SYNE1: variants seen among roughly 807,000 people sequenced by gnomAD.
SYNE1 encodes the protein nesprin-1.
Under a neutral mutation model 1,111.0 loss-of-function variants are expected in SYNE1, and 616 were observed. The ratio of observed to expected loss-of-function variants is 0.55; its 90% CI spans 0.52 to 0.59. The LOEUF (loss-of-function observed/expected upper bound fraction) is 0.59. SYNE1 is among the 20% of genes least tolerant of loss of function. The probability of loss-of-function intolerance (pLI) is 0.00; values close to 1 mark genes in which losing one functional copy is unlikely to be tolerated. For synonymous variants in SYNE1, 3,855 were observed against 3,825.8 expected, an observed-to-expected ratio of 1.01 and a Z score of -0.28; for missense variants, 10,006 against 10,417.0, an observed-to-expected ratio of 0.96 and a Z score of 1.72.
chr6:152,484,552 T>G (rs867111210), intron 13 of SYNE1, among the ~76,000 whole-genome samples: 1 of 152,136 alleles, frequency 6.6e-6, no homozygotes, highest in Non-Finnish European at 1.5e-5. Flanking sequence ...GTGTAAAGTG[T>G]GAAGTGATCC....
chr6:152,563,136 A>G (rs1293565958), intron 3 of SYNE1, among the ~76,000 whole-genome samples: 3 of 152,072 alleles, frequency 2.0e-5, no homozygotes, highest in African/African-American at 7.2e-5. Flanking sequence ...AGTACCTTTT[A>G]TCATACCCGG....
chr6:152,503,026 T>C (rs2099038234), intron 9 of SYNE1, among the ~76,000 whole-genome samples: 1 of 152,106 alleles, frequency 6.6e-6, no homozygotes, highest in Admixed American at 6.5e-5. Flanking sequence ...TGAGACAGTA[T>C]CTCCCAAATG....
chr6:152,329,755 A>G lies in SYNE1; in HGVS notation c.14930T>C (p.Ile4977Thr). The G allele has an allele frequency of 6.2e-7, 1 of 1,614,216 alleles. No individual in the cohort carries two copies. Among genetic ancestry groups the G allele is most frequent in the Non-Finnish European group, 8.5e-7 (1 of 1,180,042 alleles). Residue 4977 changes from isoleucine to threonine, a missense_variant, in exon 78 of 146, where the codon ATC becomes ACC. Coordinates refer to ENST00000367255, the MANE Select transcript of SYNE1 (RefSeq NM_182961.4). ...LAELSELDGD[I>T]QEALRTRQAT... ...CTGTCTGGTGCGTAAGGCTTCCTGG[A>G]TGTCTCCATCCAGCTCTGAGAGCTC... is the stretch of plus-strand genomic sequence containing the variant.
intron 37 of SYNE1, 78 bp downstream of exon 37, chr6:152,428,127 C>T (rs1190249888): frequency 1.9e-6 from 3 of 1,569,450 alleles, no homozygotes; most frequent in Non-Finnish European, 2.6e-6. Flanking sequence ...GGGATAACTA[C>T]TCCCCATCAC....
chr6:152,247,748 T>C (rs538604900), intron 105 of SYNE1, among the ~76,000 whole-genome samples: 1,880 of 90,790 alleles, frequency 0.021, 18 homozygotes, highest in African/African-American at 0.024. Flanking sequence ...TATATATATA[T>C]ATACACACAC....
chr6:152,454,864 A>G (rs902404603), intron 24 of SYNE1, among the ~76,000 whole-genome samples: 2 of 152,168 alleles, frequency 1.3e-5, no homozygotes, highest in African/African-American at 4.8e-5. Context: ...ACTCAAATAC[A>G]TGTTCTCAGA....
At chr6:152,126,966 T>A (rs1351805090) in intron 145 of SYNE1, 1 of 152,228 alleles carries the variant, frequency 6.6e-6, no homozygotes, top group Non-Finnish European at 1.5e-5. Flanking sequence ...TGTAACAGAT[T>A]TATTTTGCAG....
chr6:152,335,209 C>T (rs976743344), intron 76 of SYNE1: 3 of 152,150 alleles, frequency 2.0e-5, no homozygotes, highest in African/African-American at 7.2e-5. Flanking sequence ...CTCTTAAATC[C>T]CCTGACTGAT....
rs17082701 is a variant in SYNE1, at chr6:152,450,714, G to A, written c.3306C>T (p.His1102=). 96,855 of 1,614,018 alleles carry A rather than the reference G, an allele frequency of 0.06. 3,176 individuals carry two copies. The highest frequency in any genetic ancestry group is 0.074 in the African/African-American group (5,548 of 75,002). Residue 1102 remains histidine (H), a synonymous_variant, in exon 27 of 146, where the codon CAC becomes CAT. Coordinates refer to ENST00000367255, the MANE Select transcript of SYNE1 (RefSeq NM_182961.4). ...CAGCTCTGAGCTCTTTGAGAGTCAC[G>A]TGACAGGTTCCAGGTGTGTCCCTTA... ...DPVRDTPGTC[H]VTLKELRAAI... is the part of the protein sequence containing the mutation.
intron 145 of SYNE1, among the ~76,000 whole-genome samples, chr6:152,130,331 T>G (rs1297501339): frequency 1.3e-5 from 2 of 152,200 alleles, no homozygotes; most frequent in African/African-American, 4.8e-5. Flanking sequence ...GCGGGTTTTG[T>G]GAATGGTAAA....
intron 100 of SYNE1, among the ~76,000 whole-genome samples, chr6:152,262,844 G>A (rs1379405869): frequency 2.0e-5 from 3 of 150,010 alleles, no homozygotes; most frequent in African/African-American, 7.4e-5. Flanking sequence ...GAAGGTAGTA[G>A]AGGACCCTGA....
At chr6:152,125,581 G>A in intron 145 of SYNE1, 1 of 469,902 alleles carries the variant, frequency 2.1e-6, no homozygotes, top group Non-Finnish European at 3.6e-6. Context: ...TCCTTCCCCT[G>A]ACTTTAAAAT....
Position 152,539,274 on chromosome 6 carries a change from T to C in SYNE1, c.129+686A>G, listed in dbSNP as rs538591189. On this transcript the variant is annotated intron_variant, in intron 4 of 145. Coordinates refer to ENST00000367255, the MANE Select transcript of SYNE1 (RefSeq NM_182961.4). ...ATCCTCTAACTGAATTCAGACACAA[T>C]TGTCCCATCATCTGAATTTATTTTT... Among the ~76,000 whole-genome samples the C allele has an allele frequency of 2.6e-5, 4 of 152,318 alleles. No individual in the cohort carries two copies. In the East Asian group the frequency reaches 5.8e-4, roughly 22 times the overall value.
chr6:152,180,343 G>C (rs1020676939), intron 128 of SYNE1, 49 bp from the exon 129 acceptor site: 1 of 1,574,194 alleles, frequency 6.4e-7, no homozygotes, highest in East Asian at 2.2e-5. Flanking sequence ...TCAGAGAGAA[G>C]ACCACACTCC....
In SYNE1 at chr6:152,337,156, C is replaced by T. The variant is rs1590385047; in HGVS notation, c.12352-139G>A. Reference sequence around the variant, plus strand: ...ACACGCAAACTCACACACACAAATACATAAATTTAAAAAGTACTTCTTTAT... The same window carrying T: ...ACACGCAAACTCACACACACAAATATATAAATTTAAAAAGTACTTCTTTAT... On this transcript the variant is annotated intron_variant, in intron 75 of 145. Coordinates refer to ENST00000367255, the MANE Select transcript of SYNE1 (RefSeq NM_182961.4). 4 of 794,120 alleles carry T rather than the reference C, an allele frequency of 5.0e-6. No homozygotes were observed. The East Asian group carries it at 8.1e-5, about 16-fold the overall frequency. 49.2% of individuals were successfully genotyped at this position (794,120 alleles called of 1,614,324 possible).
Position 152,254,915 on chromosome 6 carries a change from T to C in SYNE1, c.19435A>G (p.Met6479Val), listed in dbSNP as rs1299944745. ...DSVVNQRCHQ[M>V]KERLQQILNF... is the part of the protein sequence containing the mutation. ...AGTATTTGCTGAAGTCTTTCTTTCA[T>C]CTGATGACATCGTTGATTCACTACT... The change falls in exon 104 of 146, where the codon ATG becomes GTG. Residue 6479 changes from methionine to valine, a missense_variant. Met to Val is a conservative substitution (Grantham distance 21). Coordinates refer to ENST00000367255, the MANE Select transcript of SYNE1 (RefSeq NM_182961.4). 1.9e-6 allele frequency: 3 copies of C among 1,613,886 alleles called. No individual in the cohort carries two copies. The highest frequency in any genetic ancestry group is 1.1e-5 in the South Asian group (1 of 91,076).
chr6:152,253,834 T>TTTTG, intron 104 of SYNE1, among the ~76,000 whole-genome samples: 1 of 66,844 alleles, frequency 1.5e-5, no homozygotes, highest in Non-Finnish European at 2.6e-5. Context: ...TTTTTTTTTT[T>TTTTG]TTTTTTTTTT....
intron 18 of SYNE1, 184 bp downstream of exon 18, chr6:152,465,074 C>G: frequency 1.5e-6 from 1 of 645,888 alleles, no homozygotes; most frequent in Non-Finnish European, 2.7e-6. Flanking sequence ...AACCCTCCAT[C>G]AGCTTCTATT....
At chr6:152,202,957 G>A (rs1025947326) in intron 126 of SYNE1, among the ~76,000 whole-genome samples, 1 of 152,144 alleles carries the variant, frequency 6.6e-6, no homozygotes, top group African/African-American at 2.4e-5. Flanking sequence ...CACAATTTAA[G>A]AAATCTATAT....
Sources: gnomAD v4.1 joint callset for allele counts (sites outside exome capture counted in the v4.1 genomes callset) on GRCh38, gnomAD v4.1.1 for gene constraint, MANE v1.5 for transcripts, NCBI Gene and HGNC (gene_info 2026-07-23, HGNC 2026-07-21) for gene names.